FSTL5: variants seen among roughly 807,000 people sequenced by gnomAD.
The protein encoded by FSTL5 is follistatin-related protein 5.
Under a neutral mutation model 89.1 loss-of-function variants are expected in FSTL5, and 62 were observed. That is an observed-to-expected ratio of 0.70 (90% CI 0.57 to 0.86). The LOEUF (loss-of-function observed/expected upper bound fraction) is 0.86. Ranked by LOEUF, FSTL5 falls within the 40% of genes least tolerant of loss-of-function variation. The pLI is 0.00. For synonymous variants in FSTL5, 383 were observed against 346.2 expected (o/e 1.11, Z -1.18); for missense variants, 1,057 against 1,001.6 (o/e 1.06, Z -0.75).
At position 161,392,590 on chromosome 4, in the gene FSTL5, T is replaced by G. The variant is rs142341699; in HGVS notation, c.1842-6141A>C. Among the ~76,000 whole-genome samples, 33 of 152,296 alleles carry G rather than the reference T, an allele frequency of 2.2e-4. No homozygotes were observed. In the Middle Eastern group the frequency reaches 0.014, roughly 63 times the overall value. On this transcript the variant is annotated intron_variant, in intron 15 of 15. Coordinates refer to ENST00000306100, the MANE Select transcript of FSTL5 (RefSeq NM_020116.5). The stretch of plus-strand genomic sequence containing the variant: ...AATATTAAAGCCCTCTAACTCTTTT[T>G]CAGGAGATTAAGAGCTTAGGACATG...
At chr4:161,728,090 G>T (rs1386830402) in intron 6 of FSTL5, among the ~76,000 whole-genome samples, 1 of 152,270 alleles carries the variant, frequency 6.6e-6, no homozygotes, top group South Asian at 2.1e-4. Flanking sequence ...ATGCTCCAAA[G>T]GTAAGCAGAA....
At chr4:161,725,421 AT>A (rs1030692440) in intron 6 of FSTL5, among the ~76,000 whole-genome samples, 133 of 152,164 alleles carry the variant, frequency 8.7e-4, no homozygotes, top group African/African-American at 3.2e-3. Context: ...AATACTGTCA[AT>A]TTTTTAAAAT....
chr4:162,109,872 T>A (rs976302182), intron 2 of FSTL5, among the ~76,000 whole-genome samples: 1 of 152,042 alleles, frequency 6.6e-6, no homozygotes, highest in African/African-American at 2.4e-5. Context: ...AGAATAAATA[T>A]TCAATGGGTA....
At chr4:161,754,042 A>G (rs1336229603) in intron 6 of FSTL5, among the ~76,000 whole-genome samples, 11 of 126,644 alleles carry the variant, frequency 8.7e-5, no homozygotes, top group African/African-American at 3.5e-4. Context: ...ACACCGTCTC[A>G]ATTAAAAAAA....
chr4:161,446,838 T>C (rs1267772841), intron 15 of FSTL5, among the ~76,000 whole-genome samples: 1 of 151,988 alleles, frequency 6.6e-6, no homozygotes, highest in Non-Finnish European at 1.5e-5. Context: ...TATTTGGGAG[T>C]GTTTTTACTA....
At chr4:161,918,460 T>C (rs1009803488) in intron 4 of FSTL5, among the ~76,000 whole-genome samples, 16 of 152,138 alleles carry the variant, frequency 1.1e-4, no homozygotes, top group Non-Finnish European at 2.9e-5. Flanking sequence ...CTCATAAATA[T>C]GTTTGGTATA....
At chr4:161,963,825 AC>A (rs1735248022) in intron 3 of FSTL5, among the ~76,000 whole-genome samples, 1 of 151,982 alleles carries the variant, frequency 6.6e-6, no homozygotes, top group African/African-American at 2.4e-5. Context: ...CATGCTTGAT[AC>A]ATGTGTAATT....
At chr4:161,774,611 T>C (rs896334782) in intron 5 of FSTL5, among the ~76,000 whole-genome samples, 4 of 151,936 alleles carry the variant, frequency 2.6e-5, no homozygotes, top group African/African-American at 9.7e-5. Flanking sequence ...TGCAGATATG[T>C]TAATAAAAAC....
intron 4 of FSTL5, among the ~76,000 whole-genome samples, chr4:161,842,623 C>G (rs1731247490): frequency 6.6e-6 from 1 of 152,072 alleles, no homozygotes; most frequent in Non-Finnish European, 1.5e-5. Context: ...AAAAAATAGT[C>G]TATTTATCTT....
chr4:161,605,126 CA>C (rs1734390552), intron 7 of FSTL5, among the ~76,000 whole-genome samples: 1 of 152,012 alleles, frequency 6.6e-6, no homozygotes, highest in South Asian at 2.1e-4. Flanking sequence ...ACTCACCCAC[CA>C]ATAAGAAGGG....
intron 3 of FSTL5, among the ~76,000 whole-genome samples, chr4:162,009,315 A>G (rs1174156161): frequency 6.6e-6 from 1 of 152,088 alleles, no homozygotes; most frequent in Non-Finnish European, 1.5e-5. Context: ...TTTGATATAA[A>G]TGTTAACTAG....
At chr4:162,162,033 C>T (rs751937567) in intron 1 of FSTL5, among the ~76,000 whole-genome samples, 40 of 152,150 alleles carry the variant, frequency 2.6e-4, no homozygotes, top group Non-Finnish European at 2.4e-4. Context: ...ACATGACTGA[C>T]ATGAATCCTA....
chr4:161,535,236 C>T (rs917167130), intron 10 of FSTL5, among the ~76,000 whole-genome samples: 1 of 151,870 alleles, frequency 6.6e-6, no homozygotes, highest in African/African-American at 2.4e-5. Context: ...TAAGAAGTGC[C>T]TAATTAAACT....
chr4:162,077,309 G>A (rs1729892478), intron 2 of FSTL5, among the ~76,000 whole-genome samples: 1 of 151,736 alleles, frequency 6.6e-6, no homozygotes, highest in Non-Finnish European at 1.5e-5. Context: ...ATTCATGAGG[G>A]TGGTGTGCCC....
intron 7 of FSTL5, among the ~76,000 whole-genome samples, chr4:161,650,147 G>C (rs890961550): frequency 6.6e-6 from 1 of 152,170 alleles, no homozygotes; most frequent in Non-Finnish European, 1.5e-5. Context: ...TAGATGGAGA[G>C]AAGAAAATAC....
chr4:161,727,677 T>C (rs1324337771), intron 6 of FSTL5, among the ~76,000 whole-genome samples: 1 of 152,198 alleles, frequency 6.6e-6, no homozygotes, highest in Non-Finnish European at 1.5e-5. Flanking sequence ...TTTTCTACTG[T>C]GTTGAAAACA....
intron 2 of FSTL5, among the ~76,000 whole-genome samples, chr4:162,089,632 C>CAAAAAA (rs755573032): frequency 1.6e-4 from 7 of 42,572 alleles, no homozygotes; most frequent in Non-Finnish European, 2.6e-4. Flanking sequence ...GAATCTGTCT[C>CAAAAAA]AAAAAAAAAA....
At chr4:161,752,412 C>A (rs113608899) in intron 6 of FSTL5, among the ~76,000 whole-genome samples, 2,316 of 152,190 alleles carry the variant, frequency 0.015, 27 homozygotes, top group Middle Eastern at 0.054. Context: ...TATATTCATA[C>A]TTGATGGATG....
chr4:161,836,290 T>C (rs146717713), intron 4 of FSTL5, among the ~76,000 whole-genome samples: 3,539 of 113,540 alleles, frequency 0.031, 71 homozygotes, highest in Middle Eastern at 0.072. Flanking sequence ...AACATCACAC[T>C]CTAGGGACTG....
Sources: gnomAD v4.1 joint callset for allele counts (sites outside exome capture counted in the v4.1 genomes callset) on GRCh38, gnomAD v4.1.1 for gene constraint, MANE v1.5 for transcripts, NCBI Gene and HGNC (gene_info 2026-07-23, HGNC 2026-07-21) for gene names.